Variants in GPHN observed in about 807,000 individuals in gnomAD.
The protein encoded by GPHN is gephyrin.
GPHN carries 17 observed loss-of-function variants against 95.5 expected under a neutral mutation model. That is an observed-to-expected ratio of 0.18 (90% CI 0.12 to 0.27). The LOEUF (loss-of-function observed/expected upper bound fraction) is 0.27. GPHN is among the 10% of genes least tolerant of loss of function. GPHN has a pLI of 1.00. For missense variants in GPHN, 660 were observed against 978.1 expected, an observed-to-expected ratio of 0.67 and a Z score of 4.34; for synonymous variants, 320 against 322.5, an observed-to-expected ratio of 0.99 and a Z score of 0.08.
the GPHN span, among the ~76,000 whole-genome samples, chr14:67,422,499 A>G: frequency 1.4e-4 from 22 of 152,348 alleles, no homozygotes; most frequent in Middle Eastern, 3.4e-3. Flanking sequence ...GTGCTATGCC[A>G]TAAACATGGG....
At chr14:67,071,348 C>T (rs1476591689) in intron 11 of GPHN, among the ~76,000 whole-genome samples, 1 of 152,072 alleles carries the variant, frequency 6.6e-6, no homozygotes, top group Non-Finnish European at 1.5e-5. Flanking sequence ...ATGAATGAAG[C>T]TGGAAACCAT....
the GPHN span, chr14:67,729,735 A>C: frequency 1.3e-4 from 66 of 514,294 alleles, no homozygotes; most frequent in South Asian, 1.0e-3. Flanking sequence ...GAATTTTTAA[A>C]TACCAATTAG....
intron 4 of GPHN, among the ~76,000 whole-genome samples, chr14:66,836,705 A>G (rs11158648): frequency 0.29 from 42,242 of 143,474 alleles, 10,418 homozygotes; most frequent in African/African-American, 0.66. Context: ...CTGACAAAGC[A>G]CTAATATCCA....
the GPHN span, chr14:67,653,610 A>T: frequency 1.1e-6 from 1 of 905,090 alleles, no homozygotes; most frequent in East Asian, 2.6e-5. Flanking sequence ...AAATTCCAAG[A>T]AATCAAGCCA....
At chr14:67,175,441 C>T (rs2082877156) in intron 21 of GPHN, among the ~76,000 whole-genome samples, 1 of 152,104 alleles carries the variant, frequency 6.6e-6, no homozygotes, top group Admixed American at 6.5e-5. Context: ...GTCTATATAT[C>T]TGTTTTGGTA....
chr14:66,622,896 C>T (rs1239970625), intron 1 of GPHN, among the ~76,000 whole-genome samples: 2 of 152,180 alleles, frequency 1.3e-5, no homozygotes, highest in African/African-American at 4.8e-5. Flanking sequence ...CTTCTGAGCC[C>T]TCCAAACTGT....
the GPHN span, among the ~76,000 whole-genome samples, chr14:67,283,498 C>T: frequency 5.3e-5 from 8 of 152,278 alleles, no homozygotes; most frequent in African/African-American, 1.9e-4. Flanking sequence ...AGTTTTAGTT[C>T]AGCCTGCTTC....
intron 16 of GPHN, 97 bp downstream of exon 16, chr14:67,113,268 A>G: frequency 8.8e-7 from 1 of 1,136,010 alleles, no homozygotes; most frequent in South Asian, 1.2e-5. Context: ...GTTGTAGATT[A>G]TAGATCATAC....
intron 11 of GPHN, among the ~76,000 whole-genome samples, chr14:67,082,572 C>A (rs1374825207): frequency 6.6e-6 from 1 of 152,168 alleles, no homozygotes; most frequent in African/African-American, 2.4e-5. Context: ...CATGACTCCT[C>A]CAACTTTGTT....
intron 2 of GPHN, among the ~76,000 whole-genome samples, chr14:66,694,157 G>C (rs1566828977): frequency 1.3e-5 from 2 of 152,110 alleles, no homozygotes; most frequent in Admixed American, 6.5e-5. Flanking sequence ...AGGTGATTTA[G>C]TCATGAGGGC....
At chr14:66,704,960 C>G (rs1340656172) in intron 2 of GPHN, among the ~76,000 whole-genome samples, 1 of 100,990 alleles carries the variant, frequency 9.9e-6, no homozygotes, top group Non-Finnish European at 1.7e-5. Context: ...CAAATAGACA[C>G]AATAAAAAAT....
At chr14:66,794,709 C>T (rs1438505324) in intron 3 of GPHN, among the ~76,000 whole-genome samples, 1 of 152,036 alleles carries the variant, frequency 6.6e-6, no homozygotes, top group Non-Finnish European at 1.5e-5. Context: ...CTTTATGGCC[C>T]AGTAGATTGT....
chr14:66,527,962 T>A (rs572630534), intron 1 of GPHN, among the ~76,000 whole-genome samples: 27 of 152,198 alleles, frequency 1.8e-4, no homozygotes, highest in Non-Finnish European at 3.5e-4. Context: ...GGTGGAGAGT[T>A]CTGAAGATGT....
At chr14:67,498,461 C>T in the GPHN span, among the ~76,000 whole-genome samples, 56 of 152,302 alleles carry the variant, frequency 3.7e-4, no homozygotes, top group African/African-American at 1.3e-3. Flanking sequence ...ATTTCTTTCT[C>T]CTTTAGAGTA....
chr14:67,645,818 CGAAAAGAAAG>C, the GPHN span: 1 of 1,612,324 alleles, frequency 6.2e-7, no homozygotes, highest in Non-Finnish European at 8.5e-7. Context: ...TGGGCCAAAA[CGAAAAGAAAG>C]GTGAATGGCT....
At chr14:67,074,994 T>G (rs964324871) in intron 11 of GPHN, among the ~76,000 whole-genome samples, 1 of 152,204 alleles carries the variant, frequency 6.6e-6, no homozygotes, top group Non-Finnish European at 1.5e-5. Context: ...AAGGTGACTA[T>G]GCTAAGCAAC....
chr14:67,163,333 A>G (rs2082072481), intron 19 of GPHN, among the ~76,000 whole-genome samples: 2 of 151,954 alleles, frequency 1.3e-5, no homozygotes, highest in Admixed American at 6.6e-5. Flanking sequence ...ATAAAAATAG[A>G]TATTTTTATT....
At chr14:67,648,254 G>T in the GPHN span, 5 of 1,502,982 alleles carry the variant, frequency 3.3e-6, no homozygotes, top group Non-Finnish European at 3.6e-6. Context: ...GCCTGCAAAG[G>T]ATCTTTTCTG....
chr14:66,916,835 C>A (rs1040735085), intron 6 of GPHN, among the ~76,000 whole-genome samples: 1 of 152,202 alleles, frequency 6.6e-6, no homozygotes, highest in Non-Finnish European at 1.5e-5. Context: ...TACCCCCTGG[C>A]CTTTGGCCAA....
Sources: gnomAD v4.1 joint callset for allele counts (sites outside exome capture counted in the v4.1 genomes callset) on GRCh38, gnomAD v4.1.1 for gene constraint, MANE v1.5 for transcripts, NCBI Gene and HGNC (gene_info 2026-07-23, HGNC 2026-07-21) for gene names.